The following ZCCHC14 variants were observed in gnomAD, a reference collection of about 807,000 sequenced individuals.
The protein encoded by ZCCHC14 is zinc finger CCHC domain-containing protein 14.
A neutral mutation model predicts 85.0 loss-of-function variants in ZCCHC14; 16 were observed. The ratio of observed to expected loss-of-function variants is 0.19; its 90% CI spans 0.13 to 0.29. The LOEUF is 0.29. ZCCHC14 is among the 10% of genes least tolerant of loss of function. ZCCHC14 has a pLI of 1.00. For missense variants in ZCCHC14, 1,303 were observed against 1,443.5 expected (o/e 0.90, Z 1.58); for synonymous variants, 775 against 630.7 (o/e 1.23, Z -3.43).
Position 87,433,189 on chromosome 16 carries a change from T to G in ZCCHC14, c.707A>C (p.Lys236Thr). 1 of 1,614,104 alleles carries G rather than the reference T, an allele frequency of 6.2e-7. No homozygotes were observed. The change falls in exon 3 of 13, where the codon AAG (lysine) becomes ACG (threonine). Residue 236 changes from lysine (K) to threonine (T), a missense_variant. Transcript: ENST00000671377. ...GTGTGATAATCCCTTCAGGTCTATC[T>G]TTTCAACACTCACTGTAAAAGTAAA... ...LGKHSKVSVE[K>T]IDLKGLSHTK...
rs780434337 is a variant in ZCCHC14 at position 87,412,297 on chromosome 16, G to C, written c.2424C>G (p.Asn808Lys). The change falls in exon 12 of 13, where the codon AAC (asparagine) becomes AAG (lysine). Residue 808 changes from asparagine (N) to lysine (K), a missense_variant. Around this residue, in one of 7 missense-constraint regions of ZCCHC14, gnomAD observed 797 missense variants for 730.8 expected, o/e 1.09. Coordinates refer to ENST00000671377, the MANE Select transcript of ZCCHC14 (RefSeq NM_015144.3). The part of the protein sequence containing the change: ...VQISVPPAII[N>K]PRTALYTANT... ...TGGCTGTGTACAGAGCAGTCCGGGG[G>C]TTTATTATTGCAGGGGGCACACTTA... 3 of 1,613,946 alleles carry C rather than the reference G, an allele frequency of 1.9e-6. No individual in the cohort carries two copies. Among genetic ancestry groups the C allele is most frequent in the Admixed American group, 1.7e-5 (1 of 60,032 alleles).
At chr16:87,456,480 C>T (rs1030914895) in intron 2 of ZCCHC14, among the ~76,000 whole-genome samples, 2 of 125,008 alleles carry the variant, frequency 1.6e-5, no homozygotes, top group African/African-American at 3.0e-5. Flanking sequence ...TTGCAGTGAG[C>T]TGTGATTGCG....
chr16:87,411,087 C>T (rs557129125), intron 12 of ZCCHC14, among the ~76,000 whole-genome samples: 3 of 152,326 alleles, frequency 2.0e-5, no homozygotes, highest in South Asian at 2.1e-4. Context: ...GGGGTGACAG[C>T]CCCCCACACC....
chr16:87,449,943 G>A (rs1910615583), intron 2 of ZCCHC14, among the ~76,000 whole-genome samples: 1 of 152,224 alleles, frequency 6.6e-6, no homozygotes, highest in African/African-American at 2.4e-5. Context: ...TACTGGGGAG[G>A]CTGAGGCAGG....
intron 1 of ZCCHC14, among the ~76,000 whole-genome samples, chr16:87,489,485 G>A (rs1003412211): frequency 3.3e-5 from 5 of 152,182 alleles, no homozygotes; most frequent in Admixed American, 2.0e-4. Context: ...AGCCGGAGAG[G>A]CCATAGAGGA....
At chr16:87,434,528 T>C (rs753216952) in intron 2 of ZCCHC14, among the ~76,000 whole-genome samples, 32 of 152,240 alleles carry the variant, frequency 2.1e-4, no homozygotes, top group Non-Finnish European at 3.8e-4. Flanking sequence ...AATCTAACTT[T>C]GTCCAACGTG....
intron 1 of ZCCHC14, among the ~76,000 whole-genome samples, chr16:87,481,251 A>G (rs540101876): frequency 1.3e-5 from 2 of 152,120 alleles, no homozygotes; most frequent in African/African-American, 4.8e-5. Flanking sequence ...TTAAGGTACC[A>G]ATGCTTCTGA....
chr16:87,430,267 G>A (rs189243800), intron 3 of ZCCHC14, among the ~76,000 whole-genome samples: 128 of 152,236 alleles, frequency 8.4e-4, no homozygotes, highest in African/African-American at 2.9e-3. Flanking sequence ...GCATACGGAC[G>A]TCTGTTCCAG....
intron 2 of ZCCHC14, among the ~76,000 whole-genome samples, chr16:87,458,698 G>A (rs778809017): frequency 2.0e-5 from 3 of 152,210 alleles, no homozygotes; most frequent in Non-Finnish European, 4.4e-5. Flanking sequence ...TGCCAGGGAC[G>A]GGGACGGTGC....
At chr16:87,446,403 G>A (rs545607740) in intron 2 of ZCCHC14, among the ~76,000 whole-genome samples, 4 of 150,704 alleles carry the variant, frequency 2.7e-5, no homozygotes, top group African/African-American at 4.9e-5. Flanking sequence ...AGAATCACTC[G>A]AACCTGGAAG....
chr16:87,411,306 G>A, intron 12 of ZCCHC14: 1 of 1,418,390 alleles, frequency 7.1e-7, no homozygotes, highest in African/African-American at 1.4e-5. Flanking sequence ...AGAACCAGAG[G>A]CTGTCTGAAA....
At chr16:87,417,907 C>T in intron 7 of ZCCHC14, 165 bp from the exon 8 acceptor site, 5 of 753,932 alleles carry the variant, frequency 6.6e-6, no homozygotes, top group Non-Finnish European at 1.0e-5. Context: ...CTATGACTGC[C>T]CTCCCTCCCC....
At chr16:87,485,605 A>AG (rs1443264709) in intron 1 of ZCCHC14, among the ~76,000 whole-genome samples, 1 of 151,314 alleles carries the variant, frequency 6.6e-6, no homozygotes. Flanking sequence ...AAAAAAAAAA[A>AG]AAGAAGAAGA....
intron 2 of ZCCHC14, among the ~76,000 whole-genome samples, chr16:87,444,056 AAAAG>A (rs998491053): frequency 1.0e-4 from 15 of 150,648 alleles, no homozygotes; most frequent in South Asian, 6.3e-4. Flanking sequence ...AAAAAAAAAA[AAAAG>A]AAAGAAAGAA....
rs533435876 is a variant in ZCCHC14 at position 87,492,995 on chromosome 16, G to T, written c.-757C>A. On this transcript the variant is annotated 5_prime_UTR_variant, in exon 1 of 13. Coordinates refer to ENST00000671377, the MANE Select transcript of ZCCHC14 (RefSeq NM_015144.3). This position sits in a 1 kb window ranked among gnomAD's most constrained non-coding sequence, Gnocchi z 6.7. The stretch of plus-strand genomic sequence containing the variant: ...GGAGCGGAGGGATCGTCGCGCTCGC[G>T]GCTGACGGGCGGCCGGGATCAGCAG... Among the ~76,000 whole-genome samples the T allele has an allele frequency of 6.6e-6, 1 of 151,960 alleles. No homozygotes were observed. The highest frequency in any genetic ancestry group is 2.1e-4 in the South Asian group (1 of 4,832).
At chr16:87,441,763 T>C (rs1910197108) in intron 2 of ZCCHC14, among the ~76,000 whole-genome samples, 1 of 152,258 alleles carries the variant, frequency 6.6e-6, no homozygotes, top group Non-Finnish European at 1.5e-5. Context: ...TGTTACAGCT[T>C]TCCTCTTACT....
chr16:87,463,080 A>G (rs1911351588), intron 1 of ZCCHC14, among the ~76,000 whole-genome samples: 1 of 152,084 alleles, frequency 6.6e-6, no homozygotes, highest in Admixed American at 6.5e-5. Flanking sequence ...AAGAAAAAGA[A>G]AAAAAGAAAA....
rs1435041803 is a variant in ZCCHC14, at chr16:87,408,238, T to A, written c.*2042A>T. The A allele has an allele frequency of 6.6e-6, 1 of 152,662 alleles. No individual in the cohort carries two copies. Among genetic ancestry groups the A allele is most frequent in the Non-Finnish European group, 1.5e-5 (1 of 68,046 alleles). The allele number at this position is 152,662 out of a possible 1,614,324, so 9.5% of individuals were successfully genotyped here. A position where few individuals can be genotyped will look rare whatever the true frequency, so the allele number is the denominator to read the frequency against. On this transcript the variant is annotated 3_prime_UTR_variant, in exon 13 of 13. Coordinates refer to ENST00000671377, the MANE Select transcript of ZCCHC14 (RefSeq NM_015144.3). ...CTAAAACAAAAATTCCAATGTTTTT[T>A]CCTTTTGTTATGAGACGGTTTTCAA...
chr16:87,468,419 A>G (rs1440353587), intron 1 of ZCCHC14, among the ~76,000 whole-genome samples: 1 of 151,902 alleles, frequency 6.6e-6, no homozygotes, highest in East Asian at 1.9e-4. Context: ...CTGTTTTAGA[A>G]TATGTTCTTA....
Sources: allele counts gnomAD v4.1 joint callset (sites outside exome capture counted in the v4.1 genomes callset), GRCh38; gene constraint gnomAD v4.1.1; regional missense constraint gnomAD v4.1.1; non-coding constraint Gnocchi (gnomAD v3.1); transcripts MANE v1.5; gene names NCBI Gene and HGNC (gene_info 2026-07-23, HGNC 2026-07-21).